Variants in HSD17B14 observed in about 807,000 individuals in gnomAD.
HSD17B14 encodes the protein L-fucose dehydrogenase.
In HSD17B14, 32 loss-of-function variants were observed where a neutral mutation model predicts 32.2. That is an observed-to-expected ratio of 0.99 (90% CI 0.75 to 1.33). The LOEUF (loss-of-function observed/expected upper bound fraction) is 1.33. Ranked by LOEUF, HSD17B14 falls within the 40% of genes most tolerant of loss-of-function variation. The pLI, the probability that HSD17B14 is intolerant of heterozygous loss-of-function variation, is 0.00. For missense variants in HSD17B14, 370 were observed against 366.5 expected (o/e 1.01, Z -0.08); for synonymous variants, 140 against 155.4 (o/e 0.90, Z 0.74).
chr19:48,817,334 T>A (rs756478211), intron 5 of HSD17B14, among the ~76,000 whole-genome samples: 1 of 151,494 alleles, frequency 6.6e-6, no homozygotes, highest in South Asian at 2.1e-4. Context: ...TGTGTCACCA[T>A]GCCTGGCTAA....
intron 5 of HSD17B14, among the ~76,000 whole-genome samples, chr19:48,816,447 A>G (rs1441730294): frequency 6.6e-6 from 1 of 152,070 alleles, no homozygotes; most frequent in Admixed American, 6.6e-5. Flanking sequence ...CTCTGCCTGG[A>G]GTGCCTTTTC....
chr19:48,824,458 G>A (rs75952572), intron 5 of HSD17B14, among the ~76,000 whole-genome samples: 2 of 138,724 alleles, frequency 1.4e-5, no homozygotes, highest in Admixed American at 7.4e-5. Context: ...GGGAGGGAGG[G>A]AGGAAGGAAG....
intron 5 of HSD17B14, among the ~76,000 whole-genome samples, chr19:48,821,456 T>G (rs1323248008): frequency 1.3e-5 from 2 of 152,166 alleles, no homozygotes. Flanking sequence ...CCGCCCTTGT[T>G]TTCCCTAGCC....
intron 5 of HSD17B14, 67 bp from the exon 6 acceptor site, chr19:48,815,208 C>T (rs1409245047): frequency 8.4e-7 from 1 of 1,193,610 alleles, no homozygotes; most frequent in African/African-American, 1.5e-5. Context: ...GAAACACAGC[C>T]ACAGCCATCC....
chr19:48,815,285 G>A (rs1057226563), intron 5 of HSD17B14, 144 bp from the exon 6 acceptor site: 4 of 658,498 alleles, frequency 6.1e-6, no homozygotes, highest in Non-Finnish European at 1.1e-5. Flanking sequence ...GCTAGAGACG[G>A]CATCTAACAT....
In HSD17B14 at chr19:48,813,238, C is replaced by G; in HGVS notation, c.750G>C (p.Glu250Asp). ...GIELLVTGGA[E>D]LGYGCKASRS... The stretch of plus-strand genomic sequence containing the variant: ...GACTGGCCTTGCACCCGTACCCCAG[C>G]TCTGCACCCCCCGTCACGAGCAGTT... Residue 250 changes from glutamate to aspartate, a missense_variant, in exon 9 of 9, where the codon GAG becomes GAC. By Grantham distance (45) the Glu-to-Asp change is conservative. Coordinates refer to ENST00000263278, the MANE Select transcript of HSD17B14 (RefSeq NM_016246.3). The G allele has an allele frequency of 6.2e-7, 1 of 1,610,844 alleles. No individual in the cohort carries two copies. The highest frequency in any genetic ancestry group is 8.5e-7 in the Non-Finnish European group (1 of 1,178,826).
Position 48,813,701 on chromosome 19 carries a change from CA to C in HSD17B14, c.503del (p.Leu168TrpfsTer31). ...KGAVTAMTKA[L>X]ALDESPYGVR... ...CACCATATGGACTTTCATCCAGGGC[CA>C]AAGCTTTGGTCATGGCTGTTACTGC... On this transcript the variant is annotated frameshift_variant, in exon 7 of 9. Coordinates refer to ENST00000263278, the MANE Select transcript of HSD17B14 (RefSeq NM_016246.3). LOFTEE classifies it high-confidence loss of function. The C allele has an allele frequency of 1.2e-6, 2 of 1,614,168 alleles. No individual in the cohort carries two copies. Among genetic ancestry groups the C allele is most frequent in the African/African-American group, 2.7e-5 (2 of 75,034 alleles).
In HSD17B14 at chr19:48,813,151, G is replaced by A; in HGVS notation, c.*24C>T. 6.4e-7 allele frequency: 1 copy of A among 1,552,800 alleles called. No individual in the cohort carries two copies. The highest frequency in any genetic ancestry group is 8.7e-7 in the Non-Finnish European group (1 of 1,145,400). ...TGGGGTGGGAGAGTCCTAGGAAGGGGGCCCCAAGTAGAAATGAGAGAAATC... is the reference window on the plus strand; with the variant it reads ...TGGGGTGGGAGAGTCCTAGGAAGGGAGCCCCAAGTAGAAATGAGAGAAATC... On this transcript the variant is annotated 3_prime_UTR_variant, in exon 9 of 9. Transcript: ENST00000263278.
At chr19:48,822,835 T>G (rs1447224113) in intron 5 of HSD17B14, among the ~76,000 whole-genome samples, 1 of 151,878 alleles carries the variant, frequency 6.6e-6, no homozygotes, top group Admixed American at 6.6e-5. Flanking sequence ...ATGATGGTGG[T>G]GAAGATGGTG....
chr19:48,827,092 G>A (rs1173873253), intron 5 of HSD17B14, among the ~76,000 whole-genome samples: 1 of 151,520 alleles, frequency 6.6e-6, no homozygotes, highest in African/African-American at 2.4e-5. Flanking sequence ...GCCCAGGCTG[G>A]AGTGCAGTGG....
At chr19:48,816,035 A>G (rs561021963) in intron 5 of HSD17B14, among the ~76,000 whole-genome samples, 10 of 151,432 alleles carry the variant, frequency 6.6e-5, no homozygotes, top group Non-Finnish European at 1.3e-4. Context: ...AAAAAAAAAA[A>G]AAAAAAAAGA....
intron 5 of HSD17B14, among the ~76,000 whole-genome samples, chr19:48,824,805 A>C (rs1427219614): frequency 6.6e-6 from 1 of 151,868 alleles, no homozygotes; most frequent in Non-Finnish European, 1.5e-5. Flanking sequence ...AAGAAAAGAA[A>C]AGAACAATGG....
chr19:48,835,618 GC>G (rs2035486135), intron 2 of HSD17B14, among the ~76,000 whole-genome samples, 186 bp downstream of exon 2: 2 of 140,822 alleles, frequency 1.4e-5, no homozygotes, highest in East Asian at 4.1e-4. Context: ...GGGTCTGAGG[GC>G]AGAGGGGCTG....
Position 48,831,666 on chromosome 19 carries a change from A to C in HSD17B14, c.369+2T>G, listed in dbSNP as rs2035337213. On this transcript the variant is annotated splice_donor_variant, in intron 5 of 8. Transcript: ENST00000263278. LOFTEE classifies it high-confidence loss of function. ...CCTGGCGGCAGGGTCGCCAGCCCTCACCTTGGTCAAGGTGTACGTCCCCAG... is the reference window on the plus strand; with the variant it reads ...CCTGGCGGCAGGGTCGCCAGCCCTCCCCTTGGTCAAGGTGTACGTCCCCAG... 1.2e-6 allele frequency: 2 copies of C among 1,612,830 alleles called. No homozygotes were observed. The highest frequency in any genetic ancestry group is 1.7e-5 in the Admixed American group (1 of 59,984).
At chr19:48,814,556 A>C (rs910272311) in intron 6 of HSD17B14, among the ~76,000 whole-genome samples, 2 of 150,482 alleles carry the variant, frequency 1.3e-5, no homozygotes, top group African/African-American at 4.9e-5. Context: ...AAAAAACAGA[A>C]ATCTGCTGGG....
intron 5 of HSD17B14, among the ~76,000 whole-genome samples, chr19:48,825,325 T>G (rs897950899): frequency 2.6e-5 from 4 of 152,072 alleles, no homozygotes; most frequent in African/African-American, 7.2e-5. Context: ...TGCTTTGTTT[T>G]GTTTGAGACA....
chr19:48,818,192 T>G lies in HSD17B14; in HGVS notation c.370-3051A>C, dbSNP rs542594043. Among the ~76,000 whole-genome samples, 4 of 151,246 alleles carry G rather than the reference T, an allele frequency of 2.6e-5. No individual in the cohort carries two copies. In the East Asian group the frequency reaches 7.8e-4, roughly 29 times the overall value. The stretch of plus-strand genomic sequence containing the variant: ...CGGGTGTGGTGGTGCGTGCCTGTAA[T>G]CCCAGCTACTCGGGAGGCTGAGGCA... On this transcript the variant is annotated intron_variant, in intron 5 of 8. Coordinates refer to ENST00000263278, the MANE Select transcript of HSD17B14 (RefSeq NM_016246.3).
chr19:48,835,986 GCCTTGACACATACTCT>G, intron 1 of HSD17B14, 143 bp from the exon 2 acceptor site: 1 of 713,806 alleles, frequency 1.4e-6, no homozygotes, highest in Admixed American at 2.6e-5. Flanking sequence ...GAGGGCAGAC[GCCTTGACACATACTCT>G]CCTTGCCTTG....
At chr19:48,820,966 T>TGCTAGGATTACAG (rs1284554167) in intron 5 of HSD17B14, among the ~76,000 whole-genome samples, 2 of 151,496 alleles carry the variant, frequency 1.3e-5, no homozygotes, top group African/African-American at 4.8e-5. Flanking sequence ...CCTCCCAAAA[T>TGCTAGGATTACAG]GCTAGGATTA....
Sources: gnomAD v4.1 joint callset for allele counts (sites outside exome capture counted in the v4.1 genomes callset) on GRCh38, gnomAD v4.1.1 for gene constraint, MANE v1.5 for transcripts, NCBI Gene and HGNC (gene_info 2026-07-23, HGNC 2026-07-21) for gene names.